The following GNA12 variants were observed in gnomAD, a reference collection of about 807,000 sequenced individuals.
The protein encoded by GNA12 is G protein subunit alpha 12, also known as guanine nucleotide-binding protein subunit alpha-12.
GNA12 carries 9 observed loss-of-function variants against 26.0 expected under a neutral mutation model. The ratio of observed to expected loss-of-function variants is 0.35; its 90% CI spans 0.21 to 0.60. The LOEUF is 0.60. Ranked by LOEUF, GNA12 falls within the 20% of genes least tolerant of loss-of-function variation. The pLI, the probability that GNA12 is intolerant of heterozygous loss-of-function variation, is 0.78. For synonymous variants in GNA12, 264 were observed against 219.6 expected, an observed-to-expected ratio of 1.20 and a Z score of -1.79; for missense variants, 405 against 525.8, an observed-to-expected ratio of 0.77 and a Z score of 2.25.
At chr7:2,812,722 C>T (rs1410207267) in intron 1 of GNA12, among the ~76,000 whole-genome samples, 1 of 128,072 alleles carries the variant, frequency 7.8e-6, no homozygotes, top group African/African-American at 2.7e-5. Context: ...CTGTCAGTCA[C>T]AGCCACCTTC....
At chr7:2,841,518 C>A (rs1049100351) in intron 1 of GNA12, among the ~76,000 whole-genome samples, 6 of 152,240 alleles carry the variant, frequency 3.9e-5, no homozygotes, top group Admixed American at 2.0e-4. Context: ...GTGAGCTAAG[C>A]TGGGCACCTA....
intron 2 of GNA12, among the ~76,000 whole-genome samples, chr7:2,744,685 T>C (rs1196244950): frequency 2.6e-5 from 4 of 151,478 alleles, no homozygotes; most frequent in Non-Finnish European, 5.9e-5. Context: ...CTTTGACGAG[T>C]TGAGAAAAGA....
chr7:2,814,523 C>A, intron 1 of GNA12: 1 of 686,020 alleles, frequency 1.5e-6, no homozygotes, highest in South Asian at 1.7e-5. Flanking sequence ...GAGGAAATTT[C>A]TTCTGCACCC....
chr7:2,833,636 G>A, intron 1 of GNA12, among the ~76,000 whole-genome samples: 1 of 152,162 alleles, frequency 6.6e-6, no homozygotes, highest in Non-Finnish European at 1.5e-5. Flanking sequence ...TTTTGCATTT[G>A]TTTTGTTTGG....
At chr7:2,737,285 T>G (rs1194085070) in intron 2 of GNA12, among the ~76,000 whole-genome samples, 6 of 45,176 alleles carry the variant, frequency 1.3e-4, no homozygotes, top group Admixed American at 2.6e-4. Flanking sequence ...TTTTTTTTTT[T>G]TTTGTTTTTT....
chr7:2,804,986 GTGCAGCGCA>G (rs773090107), intron 1 of GNA12, among the ~76,000 whole-genome samples: 2 of 152,106 alleles, frequency 1.3e-5, no homozygotes, highest in Non-Finnish European at 2.9e-5. Context: ...AACATGATGT[GTGCAGCGCA>G]TGGTGGTGGT....
chr7:2,842,567 G>A (rs1368366195), intron 1 of GNA12, among the ~76,000 whole-genome samples: 1 of 152,122 alleles, frequency 6.6e-6, no homozygotes, highest in African/African-American at 2.4e-5. Context: ...CAAAGTGCAG[G>A]GATTACAGGC....
intron 2 of GNA12, among the ~76,000 whole-genome samples, chr7:2,767,494 C>T (rs911520982): frequency 1.3e-5 from 2 of 152,170 alleles, no homozygotes; most frequent in African/African-American, 2.4e-5. Context: ...TTATGTGACC[C>T]TTTCGATAGC....
At chr7:2,775,769 G>A (rs1792061834) in intron 2 of GNA12, among the ~76,000 whole-genome samples, 1 of 152,188 alleles carries the variant, frequency 6.6e-6, no homozygotes. Context: ...GCTCATCAGT[G>A]GCTCTCAATA....
intron 2 of GNA12, among the ~76,000 whole-genome samples, chr7:2,785,012 C>G (rs1174411066): frequency 6.6e-6 from 1 of 152,164 alleles, no homozygotes; most frequent in Non-Finnish European, 1.5e-5. Context: ...ATACTTAACA[C>G]TTCATTTTTT....
intron 1 of GNA12, among the ~76,000 whole-genome samples, chr7:2,830,845 G>A (rs965174951): frequency 1.3e-5 from 2 of 152,100 alleles, no homozygotes; most frequent in Non-Finnish European, 2.9e-5. Flanking sequence ...GGAGGCTGAG[G>A]TCGGAAGATC....
intron 2 of GNA12, among the ~76,000 whole-genome samples, chr7:2,737,525 G>T (rs1043237322): frequency 1.3e-5 from 2 of 152,002 alleles, no homozygotes; most frequent in Non-Finnish European, 2.9e-5. Flanking sequence ...CTGACCTCAG[G>T]TAATCCACCC....
intron 1 of GNA12, among the ~76,000 whole-genome samples, chr7:2,805,631 C>CCT (rs888538411): frequency 6.6e-6 from 1 of 152,204 alleles, no homozygotes; most frequent in Non-Finnish European, 1.5e-5. Flanking sequence ...ACAGCAGGCA[C>CCT]GGAGACTAGA....
chr7:2,740,703 G>A (rs566936048), intron 2 of GNA12, among the ~76,000 whole-genome samples: 27 of 152,264 alleles, frequency 1.8e-4, no homozygotes, highest in African/African-American at 5.8e-4. Flanking sequence ...TTCTTAAACA[G>A]TTTCATAAGA....
chr7:2,835,325 G>A lies in GNA12; in HGVS notation c.309+8528C>T, dbSNP rs573342646. 2.4e-4 allele frequency among the ~76,000 whole-genome samples: 37 copies of A among 152,302 alleles called. No homozygotes were observed. In the South Asian group the frequency reaches 7.3e-3, roughly 30 times the overall value. ...ACTTTAAGGACAGCCCAGTCAGGAA[G>A]TGACGAGATATCATCTGTAGAATTA... On this transcript the variant is annotated intron_variant, in intron 1 of 3. Transcript: ENST00000275364.
At chr7:2,825,622 G>T (rs1429455692) in intron 1 of GNA12, among the ~76,000 whole-genome samples, 1 of 152,196 alleles carries the variant, frequency 6.6e-6, no homozygotes, top group East Asian at 1.9e-4. Context: ...GGCTGAGAAG[G>T]TATCGAGCTG....
chr7:2,795,816 CTTTTTTT>C (rs71026559), intron 1 of GNA12, among the ~76,000 whole-genome samples: 3 of 137,876 alleles, frequency 2.2e-5, no homozygotes, highest in African/African-American at 8.1e-5. Context: ...AAAAAAACAA[CTTTTTTT>C]TTTTTTTTTT....
chr7:2,772,300 G>A (rs1583268394), intron 2 of GNA12, among the ~76,000 whole-genome samples: 1 of 152,128 alleles, frequency 6.6e-6, no homozygotes, highest in Non-Finnish European at 1.5e-5. Context: ...AGTGGCTCAC[G>A]CCTGTAATCC....
chr7:2,787,313 C>T lies in GNA12; in HGVS notation c.525+7615G>A, dbSNP rs138540368. Among the ~76,000 whole-genome samples the T allele has an allele frequency of 2.4e-4, 37 of 152,282 alleles. No individual in the cohort carries two copies. In the East Asian group the frequency reaches 5.0e-3, roughly 21 times the overall value. ...CTTTTATTATCAACATGGCTACCAACGCAATCCTATTTAAGTGTCAGTCAA... is the reference window on the plus strand; with the variant it reads ...CTTTTATTATCAACATGGCTACCAATGCAATCCTATTTAAGTGTCAGTCAA... On this transcript the variant is annotated intron_variant, in intron 2 of 3. Transcript: ENST00000275364.
Sources: allele counts gnomAD v4.1 joint callset (sites outside exome capture counted in the v4.1 genomes callset), GRCh38; gene constraint gnomAD v4.1.1; transcripts MANE v1.5; gene names NCBI Gene and HGNC (gene_info 2026-07-23, HGNC 2026-07-21).